Variants in GSG1L2 observed in about 807,000 individuals in gnomAD.
GSG1L2 encodes the protein GSG1 like 2.
A neutral mutation model predicts 9.0 loss-of-function variants in GSG1L2; 15 were observed. That is an observed-to-expected ratio of 1.67 (90% confidence interval 1.12 to 2.57). GSG1L2 has a LOEUF of 2.57. GSG1L2 is among the 30% of genes most tolerant of loss of function. The pLI, the probability that GSG1L2 is intolerant of heterozygous loss-of-function variation, is 0.00. For synonymous variants in GSG1L2, 127 were observed against 57.9 expected (o/e 2.19, Z -5.41); for missense variants, 286 against 150.3 (o/e 1.90, Z -4.72).
Position 9,801,912 on chromosome 17 carries a change from A to G in GSG1L2, c.*474T>C, listed in dbSNP as rs2152021594. On this transcript the variant is annotated 3_prime_UTR_variant, in exon 5 of 5. Transcript: ENST00000399363. Reference sequence around the variant, plus strand: ...AATTTCTGTCTTCTTGATTCAAATGAAAAAGAAAGTATGACATAGCCACAC... The same window carrying G: ...AATTTCTGTCTTCTTGATTCAAATGGAAAAGAAAGTATGACATAGCCACAC... 2.0e-5 allele frequency among the ~76,000 whole-genome samples: 3 copies of G among 152,364 alleles called. 1 individual carries two copies. The highest frequency in any genetic ancestry group is 6.8e-3 in the Middle Eastern group (2 of 294).
At chr17:9,810,692 C>A (rs4079466) in intron 1 of GSG1L2, 74 bp from the exon 2 acceptor site, 479,523 of 700,332 alleles carry the variant, frequency 0.68, 165,920 homozygotes, top group East Asian at 0.86. Context: ...AATTTCTAGC[C>A]CCTTAACTGG....
Position 9,800,841 on chromosome 17 carries a change from A to G in GSG1L2, c.*1545T>C, listed in dbSNP as rs1036552994. 1.3e-5 allele frequency among the ~76,000 whole-genome samples: 2 copies of G among 152,110 alleles called. No homozygotes were observed. The highest frequency in any genetic ancestry group is 2.9e-5 in the Non-Finnish European group (2 of 68,028). ...AAAGGGCAGAGGCTTGTGGGTACAA[A>G]CTCTCCTGCTCTAGGTGAGCACATG... On this transcript the variant is annotated 3_prime_UTR_variant, in exon 5 of 5. Transcript: ENST00000399363.
At position 9,820,665 on chromosome 17, in the gene GSG1L2, T is replaced by C. The variant is rs866233158; in HGVS notation, c.310+1097A>G. Among the ~76,000 whole-genome samples, 492 of 150,940 alleles carry C rather than the reference T, an allele frequency of 3.3e-3. 4 individuals are homozygous for C. The highest frequency in any genetic ancestry group is 0.011 in the African/African-American group (437 of 41,094). The stretch of plus-strand genomic sequence containing the variant: ...ATACAGCACCTCTGAGTGTTCCTTT[T>C]TTTTTTTTTTTAATTTGAGACAGGT... On this transcript the variant is annotated intron_variant, in intron 1 of 4. Transcript: ENST00000399363. The surrounding 1 kb of genome is among the most constrained non-coding windows in gnomAD (Gnocchi z 4.9).
At chr17:9,809,532 C>G (rs564089821) in intron 2 of GSG1L2, 1 of 160,922 alleles carries the variant, frequency 6.2e-6, no homozygotes, top group East Asian at 1.8e-4. Context: ...TGGCCCCTCC[C>G]ATGTTCTGTT....
chr17:9,805,397 C>T (rs1295388362), intron 4 of GSG1L2: 2 of 151,970 alleles, frequency 1.3e-5, no homozygotes, highest in Non-Finnish European at 2.9e-5. Flanking sequence ...TACAAAGGCA[C>T]ATGAATCAGA....
Position 9,808,895 on chromosome 17 carries a change from C to G in GSG1L2, c.446G>C (p.Cys149Ser). 1.4e-6 allele frequency: 1 copy of G among 702,982 alleles called. No individual in the cohort carries two copies. The allele number at this position is 702,982 out of a possible 1,614,324, so 43.5% of individuals were successfully genotyped here. ...GAGCCAGTGGAACCCAGGGCTGCGA[C>G]AACTCACTCTGGAGCCCAGGAGGAT... ...SAILLGSRVS[C>S]RSPGFHWLRV... The change falls in exon 3 of 5, where the codon TGT becomes TCT. Residue 149 changes from cysteine (C) to serine (S), a missense_variant. Coordinates refer to ENST00000399363, the MANE Select transcript of GSG1L2 (RefSeq NM_001310219.2).
intron 1 of GSG1L2, among the ~76,000 whole-genome samples, chr17:9,813,463 G>A (rs1369477878): frequency 6.6e-6 from 1 of 152,206 alleles, no homozygotes; most frequent in Non-Finnish European, 1.5e-5. Context: ...GTCAGTCCAT[G>A]GGCAGCCACA....
intron 4 of GSG1L2, among the ~76,000 whole-genome samples, chr17:9,803,301 C>G (rs1428807831): frequency 1.3e-5 from 2 of 152,132 alleles, no homozygotes; most frequent in Non-Finnish European, 2.9e-5. Context: ...CAGGGCTTCA[C>G]CATGTTGGCC....
At chr17:9,819,653 A>T (rs573727060) in intron 1 of GSG1L2, among the ~76,000 whole-genome samples, 1 of 152,110 alleles carries the variant, frequency 6.6e-6, no homozygotes, top group Non-Finnish European at 1.5e-5. Flanking sequence ...GTTTTTTGAG[A>T]CAGAGTTTTG....
chr17:9,813,585 G>A (rs546113785), intron 1 of GSG1L2, among the ~76,000 whole-genome samples: 3 of 152,226 alleles, frequency 2.0e-5, no homozygotes, highest in East Asian at 1.9e-4. Flanking sequence ...TCTGAGCCTC[G>A]CCGGTTCTCC....
intron 1 of GSG1L2, among the ~76,000 whole-genome samples, chr17:9,815,289 C>T (rs1289801433): frequency 1.3e-5 from 2 of 152,172 alleles, no homozygotes; most frequent in African/African-American, 4.8e-5. Context: ...ACTCAGGAGG[C>T]TGAGGCAGGA....
intron 1 of GSG1L2, chr17:9,811,122 T>G (rs9905487): frequency 0.49 from 74,283 of 153,116 alleles, 18,138 homozygotes; most frequent in Middle Eastern, 0.58. Context: ...AGACCAGGGA[T>G]TCTCAGCTTT....
chr17:9,810,027 G>A (rs1412322409), intron 2 of GSG1L2: 2 of 154,114 alleles, frequency 1.3e-5, no homozygotes, highest in East Asian at 1.9e-4. Context: ...TGGAGAAAAG[G>A]GACAGAAAAG....
At chr17:9,821,005 AC>A (rs1430728089) in intron 1 of GSG1L2, among the ~76,000 whole-genome samples, 1 of 152,184 alleles carries the variant, frequency 6.6e-6, no homozygotes, top group African/African-American at 2.4e-5. Context: ...GGCCTCAGGA[AC>A]AAAAATCAAA....
At chr17:9,815,598 T>C (rs2066556349) in intron 1 of GSG1L2, among the ~76,000 whole-genome samples, 1 of 152,256 alleles carries the variant, frequency 6.6e-6, no homozygotes, top group Non-Finnish European at 1.5e-5. Context: ...TGTGAATTTT[T>C]AAGAAGAAAA....
chr17:9,816,363 C>T (rs1374489258), intron 1 of GSG1L2, among the ~76,000 whole-genome samples: 2 of 101,436 alleles, frequency 2.0e-5, no homozygotes, highest in African/African-American at 3.8e-5. Context: ...CACGCGTATG[C>T]GTGTGTCTGT....
At position 9,802,623 on chromosome 17, in the gene GSG1L2, G is replaced by A; in HGVS notation, c.645C>T (p.Ala215=). ...CCGAGACCGACACAGCCAGGCAGAG[G>A]GCGAAAGAACCCCAGGCAAGGCTGT... ...WSYCLAWGSF[A]LCLAVSVSAM... is the part of the protein sequence containing the mutation. Residue 215 remains alanine, a synonymous_variant, in exon 5 of 5, where the codon GCC becomes GCT. Transcript: ENST00000399363. 1.4e-6 allele frequency: 1 copy of A among 702,932 alleles called. No homozygotes were observed. The highest frequency in any genetic ancestry group is 2.6e-6 in the Non-Finnish European group (1 of 384,976). 43.5% of individuals were successfully genotyped at this position (702,932 alleles called of 1,614,324 possible).
At chr17:9,813,732 C>A (rs1370917651) in intron 1 of GSG1L2, among the ~76,000 whole-genome samples, 1 of 152,202 alleles carries the variant, frequency 6.6e-6, no homozygotes, top group Admixed American at 6.5e-5. Flanking sequence ...GTCAGGCCAG[C>A]ATGTTGGCAG....
intron 3 of GSG1L2, among the ~76,000 whole-genome samples, chr17:9,808,246 G>GGA (rs1269687030): frequency 1.3e-5 from 2 of 152,038 alleles, no homozygotes; most frequent in Non-Finnish European, 2.9e-5. Flanking sequence ...GGCCCACTTA[G>GGA]GAGACCCGAT....
Sources: gnomAD v4.1 joint callset for allele counts (sites outside exome capture counted in the v4.1 genomes callset) on GRCh38, gnomAD v4.1.1 for gene constraint, Gnocchi (gnomAD v3.1) non-coding constraint, MANE v1.5 for transcripts, NCBI Gene and HGNC (gene_info 2026-07-23, HGNC 2026-07-21) for gene names.